Variants in NCOA2 observed in about 807,000 individuals in gnomAD.
NCOA2 encodes the protein nuclear receptor coactivator 2, also known as class E basic helix-loop-helix protein 75.
NCOA2 carries 21 observed loss-of-function variants against 145.1 expected under a neutral mutation model. The observed-to-expected ratio is 0.14, with a 90% CI of 0.10 to 0.21. The LOEUF (loss-of-function observed/expected upper bound fraction) is 0.21. Among genes scored for constraint, NCOA2 ranks in the 10% least tolerant of loss-of-function variants. NCOA2 has a pLI of 1.00. For synonymous variants in NCOA2, 619 were observed against 637.5 expected, an observed-to-expected ratio of 0.97 and a Z score of 0.44; for missense variants, 1,472 against 1,837.6, an observed-to-expected ratio of 0.80 and a Z score of 3.64.
intron 1 of NCOA2, among the ~76,000 whole-genome samples, chr8:70,363,009 G>A (rs970028673): frequency 6.7e-6 from 1 of 150,168 alleles, no homozygotes; most frequent in Non-Finnish European, 1.5e-5. Context: ...GCCCGGAGAG[G>A]TCGAGGCTAC....
At chr8:70,265,273 G>A (rs1824475105) in intron 2 of NCOA2, among the ~76,000 whole-genome samples, 1 of 152,152 alleles carries the variant, frequency 6.6e-6, no homozygotes, top group Non-Finnish European at 1.5e-5. Flanking sequence ...TGAGGATGCA[G>A]CAAGAAGGCC....
At chr8:70,125,213 AC>A (rs1466666142) in intron 19 of NCOA2, among the ~76,000 whole-genome samples, 1 of 152,138 alleles carries the variant, frequency 6.6e-6, no homozygotes, top group Non-Finnish European at 1.5e-5. Context: ...ATATATATAT[AC>A]ACATATAAAA....
At position 70,159,240 on chromosome 8, in the gene NCOA2, A is replaced by ATG. The variant is rs1342064441; in HGVS notation, c.1124+264_1124+265insCA. Among the ~76,000 whole-genome samples the ATG allele has an allele frequency of 8.7e-4, 81 of 92,956 alleles. 1 individual carries two copies. The highest frequency in any genetic ancestry group is 4.4e-3 in the African/African-American group (81 of 18,428). 61.0% of individuals were successfully genotyped at this position (92,956 alleles called of 152,430 possible). A position where few individuals can be genotyped will look rare whatever the true frequency, so the allele number is the denominator to read the frequency against. The stretch of plus-strand genomic sequence containing the variant: ...TATAACATTATATATATATATATAT[A>ATG]TATTTTTTTTTTTTTCCCCCAAATA... On this transcript the variant is annotated intron_variant, in intron 10 of 22. Transcript: ENST00000452400.
chr8:70,293,526 T>C (rs897559992), intron 2 of NCOA2, among the ~76,000 whole-genome samples: 1 of 152,218 alleles, frequency 6.6e-6, no homozygotes, highest in African/African-American at 2.4e-5. Flanking sequence ...TTCTCCCCCA[T>C]GTTGGTATTT....
At chr8:70,430,549 T>C in the NCOA2 span, among the ~76,000 whole-genome samples, 3 of 152,220 alleles carry the variant, frequency 2.0e-5, no homozygotes, top group African/African-American at 7.2e-5. Flanking sequence ...CTTGTGGCAG[T>C]TCCTCGCTCA....
chr8:70,131,859 C>A lies in NCOA2; in HGVS notation c.3302G>T (p.Gly1101Val). Residue 1101 changes from glycine (G) to valine (V), a missense_variant, in exon 16 of 23, where the codon GGA becomes GTA. This residue lies in a region of NCOA2 where 953 missense variants were observed against 1,062.1 expected (regional missense o/e 0.90). Coordinates refer to ENST00000452400, the MANE Select transcript of NCOA2 (RefSeq NM_006540.4). ...TACCTGGCTGACCAGTTCGGGTATT[C>A]CTAAGGCTCTATCAATCTCCTCCAG... ...DGLEEIDRAL[G>V]IPELVSQSQA... The A allele has an allele frequency of 1.3e-6, 2 of 1,596,146 alleles. No individual in the cohort carries two copies. Among genetic ancestry groups the A allele is most frequent in the Non-Finnish European group, 8.5e-7 (1 of 1,171,700 alleles).
chr8:70,134,058 C>A (rs921456985), intron 15 of NCOA2, among the ~76,000 whole-genome samples: 4 of 152,148 alleles, frequency 2.6e-5, no homozygotes. Flanking sequence ...CCTTTCTGCC[C>A]CTTTCTTGTC....
intron 12 of NCOA2, among the ~76,000 whole-genome samples, chr8:70,146,605 C>T (rs1414592145): frequency 6.6e-6 from 1 of 152,090 alleles, no homozygotes; most frequent in Non-Finnish European, 1.5e-5. Context: ...AATCTGAATA[C>T]CACCAGGAGC....
At chr8:70,290,582 T>C (rs189175696) in intron 2 of NCOA2, among the ~76,000 whole-genome samples, 148 of 152,284 alleles carry the variant, frequency 9.7e-4, no homozygotes, top group African/African-American at 2.7e-3. Flanking sequence ...AAAATCATAA[T>C]TTGCAAAGCT....
At chr8:70,372,964 A>C (rs1158863366) in intron 1 of NCOA2, among the ~76,000 whole-genome samples, 2 of 152,236 alleles carry the variant, frequency 1.3e-5, no homozygotes, top group African/African-American at 4.8e-5. Flanking sequence ...TTTATTGCTA[A>C]ATAGTATCCC....
intron 21 of NCOA2, 58 bp from the exon 22 acceptor site, chr8:70,121,449 G>T: frequency 1.4e-6 from 2 of 1,390,216 alleles, no homozygotes; most frequent in Non-Finnish European, 1.0e-6. Context: ...AGAGTGCACT[G>T]GAAAACAAGT....
At chr8:70,152,810 AAC>A (rs958492940) in intron 11 of NCOA2, among the ~76,000 whole-genome samples, 17 of 152,352 alleles carry the variant, frequency 1.1e-4, no homozygotes, top group African/African-American at 4.1e-4. Flanking sequence ...TAATAGGTTA[AAC>A]ACACACTCAG....
intron 19 of NCOA2, 82 bp downstream of exon 19, chr8:70,126,731 T>A (rs549746153): frequency 1.7e-6 from 2 of 1,154,932 alleles, no homozygotes; most frequent in South Asian, 1.3e-5. Context: ...CAAAGAGCTG[T>A]GAGAGAGGAG....
chr8:70,364,210 C>T (rs1810466447), intron 1 of NCOA2, among the ~76,000 whole-genome samples: 1 of 151,292 alleles, frequency 6.6e-6, no homozygotes, highest in Non-Finnish European at 1.5e-5. Context: ...AATAAAGGGG[C>T]TATGGCTTAA....
intron 2 of NCOA2, among the ~76,000 whole-genome samples, chr8:70,224,335 G>A (rs1016242451): frequency 6.6e-6 from 1 of 152,126 alleles, no homozygotes; most frequent in Admixed American, 6.5e-5. Flanking sequence ...AATGGTAATT[G>A]GTTAATTTAA....
chr8:70,346,564 CA>C (rs1324984237), intron 1 of NCOA2, among the ~76,000 whole-genome samples: 3 of 152,164 alleles, frequency 2.0e-5, no homozygotes, highest in Non-Finnish European at 4.4e-5. Context: ...TTTTACAAAA[CA>C]AAGAACATCA....
At chr8:70,175,534 G>A (rs1173869236) in intron 4 of NCOA2, among the ~76,000 whole-genome samples, 1 of 152,210 alleles carries the variant, frequency 6.6e-6, no homozygotes, top group Non-Finnish European at 1.5e-5. Context: ...AACGTGCAAG[G>A]CAAATTTTAG....
chr8:70,421,779 G>A, the NCOA2 span, among the ~76,000 whole-genome samples: 4 of 151,552 alleles, frequency 2.6e-5, no homozygotes. Context: ...AAAAGTAAAT[G>A]TAGTAAAAAT....
At chr8:70,211,475 G>GA (rs1333614468) in intron 4 of NCOA2, among the ~76,000 whole-genome samples, 8 of 151,220 alleles carry the variant, frequency 5.3e-5, no homozygotes, top group Non-Finnish European at 8.9e-5. Context: ...GAAAAAAAAA[G>GA]AAAAAACAGC....
Sources: allele counts gnomAD v4.1 joint callset (sites outside exome capture counted in the v4.1 genomes callset), GRCh38; gene constraint gnomAD v4.1.1; regional missense constraint gnomAD v4.1.1; transcripts MANE v1.5; gene names NCBI Gene and HGNC (gene_info 2026-07-23, HGNC 2026-07-21).